The following CHST15 variants were observed in gnomAD, a reference collection of about 807,000 sequenced individuals.
CHST15 encodes carbohydrate sulfotransferase 15.
Under a neutral mutation model 53.6 loss-of-function variants are expected in CHST15, and 30 were observed. The ratio of observed to expected loss-of-function variants is 0.56; its 90% CI spans 0.42 to 0.76. CHST15 has a LOEUF of 0.76. Among genes scored for constraint, CHST15 ranks in the 30% least tolerant of loss-of-function variants. CHST15 has a pLI of 0.00. For missense variants in CHST15, 627 were observed against 740.5 expected, an observed-to-expected ratio of 0.85 and a Z score of 1.78; for synonymous variants, 296 against 289.8, an observed-to-expected ratio of 1.02 and a Z score of -0.22.
At position 124,009,333 on chromosome 10, in the gene CHST15, G is replaced by A; in HGVS notation, c.*816C>T. 1 of 1,045,784 alleles carries A rather than the reference G, an allele frequency of 9.6e-7. No individual in the cohort carries two copies. Among genetic ancestry groups the A allele is most frequent in the Non-Finnish European group, 1.2e-6 (1 of 863,266 alleles). 64.8% of individuals were successfully genotyped at this position (1,045,784 alleles called of 1,614,324 possible). ...AACGTATGAAGAGGCAGCAGAGAGAGAGCCAGGACTGGTTAAATGCAGAAA... is the reference window on the plus strand; with the variant it reads ...AACGTATGAAGAGGCAGCAGAGAGAAAGCCAGGACTGGTTAAATGCAGAAA... On this transcript the variant is annotated 3_prime_UTR_variant, in exon 8 of 8. Coordinates refer to ENST00000435907, the MANE Select transcript of CHST15 (RefSeq NM_001270764.2).
In CHST15 at chr10:124,021,185, GCATAATAACAACAAAC is replaced by G. The variant is rs1442495418; in HGVS notation, c.1347+55_1347+70del. On this transcript the variant is annotated intron_variant, in intron 6 of 7. Coordinates refer to ENST00000435907, the MANE Select transcript of CHST15 (RefSeq NM_001270764.2). Reference sequence around the variant, plus strand: ...GAAACGCAAACCCACAATGCCGCTTGCATAATAACAACAAACCAGCTCCTTCTGCCAGGGGCCAGCT... The same window carrying G: ...GAAACGCAAACCCACAATGCCGCTTGCAGCTCCTTCTGCCAGGGGCCAGCT... The G allele has an allele frequency of 2.2e-6, 3 of 1,333,390 alleles. No homozygotes were observed. The East Asian group carries it at 1.3e-4, about 57-fold the overall frequency. 82.6% of individuals were successfully genotyped at this position (1,333,390 alleles called of 1,614,324 possible). A position where few individuals can be genotyped will look rare whatever the true frequency, so the allele number is the denominator to read the frequency against.
chr10:124,018,115 G>T (rs980372915), intron 6 of CHST15, among the ~76,000 whole-genome samples: 1 of 152,354 alleles, frequency 6.6e-6, no homozygotes, highest in East Asian at 1.9e-4. Flanking sequence ...TCAAAGATGG[G>T]ACAACACTCC....
chr10:124,082,455 CA>C (rs1227405446), intron 1 of CHST15, among the ~76,000 whole-genome samples: 1 of 152,236 alleles, frequency 6.6e-6, no homozygotes, highest in Non-Finnish European at 1.5e-5. Context: ...GGATCACTGA[CA>C]GGGGGATCGG....
intron 1 of CHST15, among the ~76,000 whole-genome samples, chr10:124,053,451 A>T (rs1264784732): frequency 6.6e-6 from 1 of 152,010 alleles, no homozygotes; most frequent in East Asian, 1.9e-4. Context: ...GATCCCAGCC[A>T]ATTCCTAAAG....
intron 1 of CHST15, among the ~76,000 whole-genome samples, chr10:124,054,846 A>G (rs1277628084): frequency 6.6e-6 from 1 of 152,192 alleles, no homozygotes; most frequent in Non-Finnish European, 1.5e-5. Flanking sequence ...CCATCCCAAA[A>G]CATGCCAAAT....
At chr10:124,035,092 A>C (rs1265108680) in intron 5 of CHST15, among the ~76,000 whole-genome samples, 7 of 88,308 alleles carry the variant, frequency 7.9e-5, no homozygotes, top group Non-Finnish European at 1.2e-4. Flanking sequence ...CGCCGGCTCC[A>C]CCCCTAACAG....
chr10:124,051,926 A>C (rs543074834), intron 1 of CHST15, among the ~76,000 whole-genome samples: 2 of 152,346 alleles, frequency 1.3e-5, no homozygotes, highest in South Asian at 2.1e-4. Flanking sequence ...TGTAGCTATA[A>C]GCTGATATAG....
intron 5 of CHST15, among the ~76,000 whole-genome samples, chr10:124,035,126 A>AGGGATCCCGGCTCCGCCCCCTAACG (rs1947418591): frequency 2.0e-5 from 2 of 100,706 alleles, no homozygotes; most frequent in Non-Finnish European, 3.9e-5. Flanking sequence ...GCCCCCTAAC[A>AGGGATCCCGGCTCCGCCCCCTAACG]GGGACCCCGG....
At chr10:124,051,734 A>G (rs992138953) in intron 1 of CHST15, among the ~76,000 whole-genome samples, 1 of 152,224 alleles carries the variant, frequency 6.6e-6, no homozygotes, top group African/African-American at 2.4e-5. Flanking sequence ...TCAATTACCC[A>G]GCCCTTGCTT....
intron 1 of CHST15, among the ~76,000 whole-genome samples, chr10:124,049,061 G>A (rs1358405225): frequency 6.6e-6 from 1 of 152,208 alleles, no homozygotes; most frequent in African/African-American, 2.4e-5. Context: ...TCGAGATGCT[G>A]CAAGAGCCTT....
rs1564882131 is a variant in CHST15, at chr10:124,045,127, A to AAAAAAC, written c.547-209_547-208insGTTTTT. On this transcript the variant is annotated intron_variant, in intron 2 of 7. Coordinates refer to ENST00000435907, the MANE Select transcript of CHST15 (RefSeq NM_001270764.2). The stretch of plus-strand genomic sequence containing the variant: ...CGCCGCCCCACAAAAAAAAAAAAAA[A>AAAAAAC]AAAAAAAAAAAAAAAAACTTGGAGA... Among the ~76,000 whole-genome samples, 265 of 125,158 alleles carry AAAAAAC rather than the reference A, an allele frequency of 2.1e-3. 1 individual carries two copies. Among genetic ancestry groups the AAAAAAC allele is most frequent in the African/African-American group, 0.011 (256 of 23,696 alleles). The allele number at this position is 125,158 out of a possible 152,430, so 82.1% of individuals were successfully genotyped here.
At position 124,008,281 on chromosome 10, in the gene CHST15, G is replaced by C; in HGVS notation, c.*1868C>G. ...CTATAAAAGGGTTGTGTCCAGAGCG[G>C]AGGAGCCTCATTAGCAACTGAACAG... On this transcript the variant is annotated 3_prime_UTR_variant, in exon 8 of 8. Transcript: ENST00000435907. The C allele has an allele frequency of 4.3e-6, 5 of 1,157,224 alleles. No individual in the cohort carries two copies. The highest frequency in any genetic ancestry group is 5.3e-6 in the Non-Finnish European group (5 of 941,862). 71.7% of individuals were successfully genotyped at this position (1,157,224 alleles called of 1,614,324 possible).
intron 1 of CHST15, among the ~76,000 whole-genome samples, chr10:124,061,218 A>G (rs964514108): frequency 2.0e-5 from 3 of 152,114 alleles, no homozygotes; most frequent in African/African-American, 7.2e-5. Flanking sequence ...TGCCCACCCA[A>G]ATCTCAACTT....
chr10:124,065,316 A>G (rs1240241433), intron 1 of CHST15, among the ~76,000 whole-genome samples: 1 of 152,228 alleles, frequency 6.6e-6, no homozygotes, highest in Non-Finnish European at 1.5e-5. Flanking sequence ...CAGGAGATCC[A>G]GGCTGCAGTG....
At chr10:124,069,717 C>T (rs934659251) in intron 1 of CHST15, among the ~76,000 whole-genome samples, 1 of 152,236 alleles carries the variant, frequency 6.6e-6, no homozygotes, top group Non-Finnish European at 1.5e-5. Flanking sequence ...TGAGCCCCTG[C>T]CATAGGACAC....
At position 124,008,876 on chromosome 10, in the gene CHST15, A is replaced by T; in HGVS notation, c.*1273T>A. 7.8e-7 allele frequency: 1 copy of T among 1,275,542 alleles called. No homozygotes were observed. The highest frequency in any genetic ancestry group is 1.0e-6 in the Non-Finnish European group (1 of 977,832). 79.0% of individuals were successfully genotyped at this position (1,275,542 alleles called of 1,614,324 possible). On this transcript the variant is annotated 3_prime_UTR_variant, in exon 8 of 8. Coordinates refer to ENST00000435907, the MANE Select transcript of CHST15 (RefSeq NM_001270764.2). ...TTCAATCTTCCCTGTGACTTCCAAG[A>T]AACGACAAGATCTCTAGCCCATCCA...
chr10:124,085,940 G>A (rs949615263), intron 1 of CHST15, among the ~76,000 whole-genome samples: 2 of 152,150 alleles, frequency 1.3e-5, no homozygotes, highest in South Asian at 2.1e-4. Context: ...GTCCAGGCCC[G>A]GCTGGCCAGG....
intron 7 of CHST15, among the ~76,000 whole-genome samples, chr10:124,011,963 C>A (rs1053207941): frequency 6.6e-6 from 1 of 152,184 alleles, no homozygotes; most frequent in African/African-American, 2.4e-5. Context: ...CTCATCCGTG[C>A]AGTAGCTGGG....
intron 5 of CHST15, among the ~76,000 whole-genome samples, chr10:124,034,265 T>C (rs1386887495): frequency 2.0e-5 from 3 of 152,154 alleles, no homozygotes; most frequent in Non-Finnish European, 4.4e-5. Context: ...CTAGGATACA[T>C]AGAGTATTTG....
Sources: gnomAD v4.1 joint callset for allele counts (sites outside exome capture counted in the v4.1 genomes callset) on GRCh38, gnomAD v4.1.1 for gene constraint, MANE v1.5 for transcripts, NCBI Gene and HGNC (gene_info 2026-07-23, HGNC 2026-07-21) for gene names.